The following PRDM16 variants were observed in gnomAD, a reference collection of about 807,000 sequenced individuals.
PRDM16 encodes PR/SET domain 16.
Under a neutral mutation model 110.6 loss-of-function variants are expected in PRDM16, and 23 were observed. That is an observed-to-expected ratio of 0.21 (90% CI 0.15 to 0.29). PRDM16 has a LOEUF of 0.29. PRDM16 is among the 10% of genes least tolerant of loss of function. The pLI is 1.00. For synonymous variants in PRDM16, 799 were observed against 781.8 expected, an observed-to-expected ratio of 1.02 and a Z score of -0.37; for missense variants, 1,615 against 1,794.3, an observed-to-expected ratio of 0.90 and a Z score of 1.81.
intron 3 of PRDM16, among the ~76,000 whole-genome samples, chr1:3,257,427 C>T (rs1043769255): frequency 6.6e-6 from 1 of 152,194 alleles, no homozygotes; most frequent in Admixed American, 6.5e-5. Context: ...AACACTGCAA[C>T]CAGAGAGTCC....
At chr1:3,249,457 G>A (rs1046239892) in intron 3 of PRDM16, among the ~76,000 whole-genome samples, 5 of 151,538 alleles carry the variant, frequency 3.3e-5, no homozygotes, top group African/African-American at 7.3e-5. Context: ...GCCTTTTCCC[G>A]TTCCCTTACC....
intron 1 of PRDM16, among the ~76,000 whole-genome samples, chr1:3,070,395 G>A (rs1353655469): frequency 6.8e-6 from 1 of 147,708 alleles, no homozygotes; most frequent in Non-Finnish European, 1.5e-5. Flanking sequence ...GAGGCGGGCG[G>A]GCAGGTGAGG....
Position 3,080,101 on chromosome 1 carries a change from C to G in PRDM16, c.37+10805C>G, listed in dbSNP as rs895208760. ...AGCACTTTTCCGCACGCTGTAACCC[C>G]TGAGAAGAAACAAAGAGGAAACGAG... On this transcript the variant is annotated intron_variant, in intron 1 of 16. Coordinates refer to ENST00000270722, the MANE Select transcript of PRDM16 (RefSeq NM_022114.4). This position sits in a 1 kb window ranked among gnomAD's most constrained non-coding sequence, Gnocchi z 5.2. 6.6e-6 allele frequency among the ~76,000 whole-genome samples: 1 copy of G among 152,216 alleles called. No homozygotes were observed. Among genetic ancestry groups the G allele is most frequent in the African/African-American group, 2.4e-5 (1 of 41,442 alleles).
rs372347908 is a variant in PRDM16 at position 3,412,030 on chromosome 1, G to A, written c.1833G>A (p.Thr611=). 1.4e-5 allele frequency: 22 copies of A among 1,613,218 alleles called. No individual in the cohort carries two copies. The highest frequency in any genetic ancestry group is 1.3e-4 in the South Asian group (12 of 91,060). Residue 611 remains threonine, a synonymous_variant, in exon 9 of 17, where the codon ACG becomes ACA. Transcript: ENST00000270722. ...GSDFEDVNTT[T]GTDLDTTTGT... is the part of the protein sequence containing the mutation. ...ACTTTGAGGACGTCAACACCACCAC[G>A]GGGACCGACCTGGACACGACCACGG... is the stretch of plus-strand genomic sequence containing the variant.
intron 1 of PRDM16, among the ~76,000 whole-genome samples, chr1:3,092,399 G>A (rs565506798): frequency 1.4e-3 from 213 of 152,288 alleles, no homozygotes; most frequent in Non-Finnish European, 2.2e-3. Flanking sequence ...TTCCTCACAC[G>A]TGCCCATACC....
At chr1:3,252,581 C>A (rs1457992800) in intron 3 of PRDM16, among the ~76,000 whole-genome samples, 2 of 152,158 alleles carry the variant, frequency 1.3e-5, no homozygotes, top group Admixed American at 6.5e-5. Context: ...AAGAAGCCAC[C>A]TGCTGTTAGA....
rs942611019 is a variant in PRDM16 at position 3,370,172 on chromosome 1, G to A, written c.439-14980G>A. Among the ~76,000 whole-genome samples the A allele has an allele frequency of 1.9e-4, 29 of 152,224 alleles. 3 individuals are homozygous for A. The highest frequency in any genetic ancestry group is 1.1e-3 in the Admixed American group (17 of 15,300). Reference sequence around the variant, plus strand: ...GGGTGCTGAGATGAACAAACCCACCGTGGCCTCTGCTTTGGGGAGACTGGC... The same window carrying A: ...GGGTGCTGAGATGAACAAACCCACCATGGCCTCTGCTTTGGGGAGACTGGC... On this transcript the variant is annotated intron_variant, in intron 3 of 16. Coordinates refer to ENST00000270722, the MANE Select transcript of PRDM16 (RefSeq NM_022114.4). This position sits in a 1 kb window ranked among gnomAD's most constrained non-coding sequence, Gnocchi z 4.8.
chr1:3,177,094 C>T (rs1644099782), intron 1 of PRDM16, among the ~76,000 whole-genome samples: 1 of 152,216 alleles, frequency 6.6e-6, no homozygotes, highest in Non-Finnish European at 1.5e-5. Context: ...CATTCATCCA[C>T]TTATCTATGT....
chr1:3,077,857 G>A (rs1641934659), intron 1 of PRDM16, among the ~76,000 whole-genome samples: 2 of 152,236 alleles, frequency 1.3e-5, no homozygotes, highest in African/African-American at 4.8e-5. Context: ...CTAGCCTGCA[G>A]CAGGAGAACC....
Position 3,412,320 on chromosome 1 carries a change from T to A in PRDM16, c.2123T>A (p.Phe708Tyr). 2 of 1,613,800 alleles carry A rather than the reference T, an allele frequency of 1.2e-6. No homozygotes were observed. Among genetic ancestry groups the A allele is most frequent in the Non-Finnish European group, 1.7e-6 (2 of 1,180,016 alleles). The change falls in exon 9 of 17, where the codon TTC (phenylalanine) becomes TAC (tyrosine). Residue 708 changes from phenylalanine (F) to tyrosine (Y), a missense_variant. By Grantham distance (22) the Phe-to-Tyr change is conservative. This residue lies in a region of PRDM16 where 772 missense variants were observed against 748.3 expected (regional missense o/e 1.03). Coordinates refer to ENST00000270722, the MANE Select transcript of PRDM16 (RefSeq NM_022114.4). Reference sequence around the variant, plus strand: ...GCCGAGAAGTACTTTGGCCCCGGCTTCATGGGGATGCAGGAGAAGAAGCTG... The same window carrying A: ...GCCGAGAAGTACTTTGGCCCCGGCTACATGGGGATGCAGGAGAAGAAGCTG... Reference protein sequence around the residue: ...SIAEKYFGPGFMGMQEKKLGS... With the variant: ...SIAEKYFGPGYMGMQEKKLGS...
At chr1:3,127,509 G>A (rs1435174124) in intron 1 of PRDM16, among the ~76,000 whole-genome samples, 4 of 152,204 alleles carry the variant, frequency 2.6e-5, no homozygotes, top group Non-Finnish European at 4.4e-5. Flanking sequence ...CCACAGCCTA[G>A]CTTCCCCGGG....
chr1:3,340,444 G>T (rs1417600348), intron 3 of PRDM16, among the ~76,000 whole-genome samples: 3 of 152,192 alleles, frequency 2.0e-5, no homozygotes, highest in Non-Finnish European at 4.4e-5. Context: ...CCCGCTCCCG[G>T]AGAGCCAGCG....
chr1:3,129,173 T>C (rs1643278577), intron 1 of PRDM16, among the ~76,000 whole-genome samples: 1 of 120,194 alleles, frequency 8.3e-6, no homozygotes, highest in African/African-American at 4.2e-5. Context: ...TGGGTGTGGA[T>C]CCTGCCTAGT....
intron 1 of PRDM16, among the ~76,000 whole-genome samples, chr1:3,126,919 G>A (rs899569603): frequency 6.6e-6 from 1 of 152,208 alleles, no homozygotes; most frequent in African/African-American, 2.4e-5. Context: ...TTAGGGGATC[G>A]AGAGCTTACT....
chr1:3,341,037 C>T (rs370471455), intron 3 of PRDM16, among the ~76,000 whole-genome samples: 123 of 149,566 alleles, frequency 8.2e-4, no homozygotes, highest in African/African-American at 2.9e-3. Flanking sequence ...TGTCCAACCC[C>T]GCACGCTCCT....
In PRDM16 at chr1:3,150,814, C is replaced by A. The variant is rs1254743278; in HGVS notation, c.38-35311C>A. On this transcript the variant is annotated intron_variant, in intron 1 of 16. Transcript: ENST00000270722. ...TCCTTACTTTTTGGTCTCTGAAGCC[C>A]ATGGGAGTGGGAGGGAAAGCACAGA... Among the ~76,000 whole-genome samples, 4 of 148,008 alleles carry A rather than the reference C, an allele frequency of 2.7e-5. No individual in the cohort carries two copies. In the East Asian group the frequency reaches 8.1e-4, roughly 30 times the overall value.
At chr1:3,305,523 G>A (rs1431890422) in intron 3 of PRDM16, among the ~76,000 whole-genome samples, 2 of 152,218 alleles carry the variant, frequency 1.3e-5, no homozygotes, top group African/African-American at 4.8e-5. Context: ...TTGCCCACTC[G>A]TCCACAGCCT....
rs759304049 is a variant in PRDM16 at position 3,245,729 on chromosome 1, G to C, written c.438+1592G>C. ...TCTCCTTTCCTGCCTCTTTAAATGA[G>C]TTCACATTTTCTTAAAGGACATAGA... On this transcript the variant is annotated intron_variant, in intron 3 of 16. Coordinates refer to ENST00000270722, the MANE Select transcript of PRDM16 (RefSeq NM_022114.4). This position sits in a 1 kb window ranked among gnomAD's most constrained non-coding sequence, Gnocchi z 4.7. 2.1e-4 allele frequency among the ~76,000 whole-genome samples: 31 copies of C among 144,882 alleles called. No individual in the cohort carries two copies. The highest frequency in any genetic ancestry group is 1.1e-3 in the Admixed American group (16 of 14,648).
chr1:3,351,674 CTCCCTCTTTCT>C, intron 3 of PRDM16, among the ~76,000 whole-genome samples: 1 of 79,228 alleles, frequency 1.3e-5, no homozygotes, highest in South Asian at 5.9e-4. Context: ...TCTTTCTCCC[CTCCCTCTTTCT>C]CTCCTCCCTC....
Sources: gnomAD v4.1 joint callset for allele counts (sites outside exome capture counted in the v4.1 genomes callset) on GRCh38, gnomAD v4.1.1 for gene constraint, gnomAD v4.1.1 regional missense constraint, Gnocchi (gnomAD v3.1) non-coding constraint, MANE v1.5 for transcripts, NCBI Gene and HGNC (gene_info 2026-07-23, HGNC 2026-07-21) for gene names.